Variants in RPS6KA3 observed in about 807,000 individuals in gnomAD.
RPS6KA3 encodes the protein ribosomal protein S6 kinase alpha-3.
Under a neutral mutation model 67.2 loss-of-function variants are expected in RPS6KA3, and 4 were observed. The ratio of observed to expected loss-of-function variants is 0.06; its 90% CI spans 0.03 to 0.14. The LOEUF (loss-of-function observed/expected upper bound fraction) is 0.14, where lower values mean the gene tolerates loss of function less well. Among genes scored for constraint, RPS6KA3 ranks in the 10% least tolerant of loss-of-function variants. The pLI, the probability that RPS6KA3 is intolerant of heterozygous loss-of-function variation, is 1.00. For synonymous variants in RPS6KA3, 182 were observed against 183.7 expected (o/e 0.99, Z 0.07); for missense variants, 204 against 559.0 (o/e 0.36, Z 6.40).
At chrX:20,199,159 C>A (rs928340452) in intron 4 of RPS6KA3, among the ~76,000 whole-genome samples, 1 of 110,605 alleles carries the variant, frequency 9.0e-6, no homozygotes, top group Non-Finnish European at 1.9e-5. Context: ...CGTGAGCCAC[C>A]GTACCCAGCC....
At chrX:20,202,820 T>C (rs1262130113) in intron 4 of RPS6KA3, among the ~76,000 whole-genome samples, 1 of 112,415 alleles carries the variant, frequency 8.9e-6, no homozygotes, top group African/African-American at 3.2e-5. Flanking sequence ...TCTATGCAGC[T>C]TTGTAACATG....
intron 4 of RPS6KA3, among the ~76,000 whole-genome samples, chrX:20,202,886 T>C (rs2068476835): frequency 8.9e-6 from 1 of 111,967 alleles, no homozygotes; most frequent in South Asian, 3.7e-4. Context: ...GGATTGAGGA[T>C]ATAATTTAAT....
rs2067119830 is a variant in RPS6KA3 at position 20,152,566 on chromosome X, T to C, written c.*2832A>G. ...CTAATTGGTGAAAGGCAGAAGCCTTTAGGGGCCTCAATACCACAACTGTAG... is the reference window on the plus strand; with the variant it reads ...CTAATTGGTGAAAGGCAGAAGCCTTCAGGGGCCTCAATACCACAACTGTAG... On this transcript the variant is annotated 3_prime_UTR_variant, in exon 22 of 22. Transcript: ENST00000379565. 1 of 112,131 alleles carries C rather than the reference T, an allele frequency of 8.9e-6. No homozygotes were observed. Among genetic ancestry groups the C allele is most frequent in the Non-Finnish European group, 1.9e-5 (1 of 53,245 alleles). The allele number at this position is 112,131 out of a possible 1,213,427, so 9.2% of individuals were successfully genotyped here. A position where few individuals can be genotyped will look rare whatever the true frequency, so the allele number is the denominator to read the frequency against.
rs904356751 is a variant in RPS6KA3 at position 20,155,215 on chromosome X, A to G, written c.*183T>C. 1 of 519,429 alleles carries G rather than the reference A, an allele frequency of 1.9e-6. No homozygotes were observed. The highest frequency in any genetic ancestry group is 3.4e-6 in the Non-Finnish European group (1 of 298,441). 42.8% of individuals were successfully genotyped at this position (519,429 alleles called of 1,213,427 possible). On this transcript the variant is annotated 3_prime_UTR_variant, in exon 22 of 22. Transcript: ENST00000379565. ...TCTTCCGAAGCTCCAGGAAAATCTA[A>G]CTTGCTAACAATCATTTAAAGCGAG... is the stretch of plus-strand genomic sequence containing the variant.
At chrX:20,170,759 A>T (rs917683292) in intron 15 of RPS6KA3, among the ~76,000 whole-genome samples, 2 of 109,850 alleles carry the variant, frequency 1.8e-5, no homozygotes, top group Admixed American at 9.9e-5. Context: ...CCACAGGCAC[A>T]TACCACTACA....
At chrX:20,167,879 A>G (rs2067479955) in intron 16 of RPS6KA3, 132 bp from the exon 17 acceptor site, 1 of 488,523 alleles carries the variant, frequency 2.0e-6, no homozygotes, top group African/African-American at 2.4e-5. Flanking sequence ...TTATTTTGAG[A>G]CAGACTCTGT....
Position 20,193,573 on chromosome X carries a change from A to G in RPS6KA3, c.507T>C (p.Asp169=). 4 of 1,172,136 alleles carry G rather than the reference A, an allele frequency of 3.4e-6. No homozygotes were observed. The highest frequency in any genetic ancestry group is 4.6e-6 in the Non-Finnish European group (4 of 860,335). Residue 169 remains aspartate (D), a synonymous_variant, in exon 7 of 22, where the codon GAT becomes GAC. Coordinates refer to ENST00000379565, the MANE Select transcript of RPS6KA3 (RefSeq NM_004586.3). ...CAAGTTCAGCCAAGTAGAATTTGAC[A>G]TCTTCTTCTGTGAACATCACCTAAA... is the stretch of plus-strand genomic sequence containing the variant. The part of the protein sequence containing the change: ...LSKEVMFTEE[D]VKFYLAELAL...
At chrX:20,155,994 C>T in intron 21 of RPS6KA3, 115 bp downstream of exon 21, 8 of 835,902 alleles carry the variant, frequency 9.6e-6, no homozygotes, top group Admixed American at 2.2e-5. Context: ...TAAGAGAATC[C>T]CACAACAGAA....
chrX:20,167,992 C>T (rs1183086449), intron 16 of RPS6KA3, among the ~76,000 whole-genome samples: 2 of 112,044 alleles, frequency 1.8e-5, no homozygotes, highest in African/African-American at 6.5e-5. Flanking sequence ...GGACTATAGG[C>T]GCATGCCACC....
intron 1 of RPS6KA3, among the ~76,000 whole-genome samples, chrX:20,262,681 T>A (rs994665250): frequency 1.8e-5 from 2 of 111,324 alleles, no homozygotes; most frequent in Non-Finnish European, 3.8e-5. Flanking sequence ...ACAGTTGACA[T>A]GTAACAATAC....
At position 20,187,984 on chromosome X, in the gene RPS6KA3, TATC is replaced by T. The variant is rs776805695; in HGVS notation, c.632-17_632-15del. On this transcript the variant is annotated splice_polypyrimidine_tract_variant and intron_variant, in intron 8 of 21. Coordinates refer to ENST00000379565, the MANE Select transcript of RPS6KA3 (RefSeq NM_004586.3). ...TTAGGCCGAAATCTGCCAAAACAAATATCATAAATATCCTACATAAATTTGCAC... is the reference window on the plus strand; with the variant it reads ...TTAGGCCGAAATCTGCCAAAACAAATATAAATATCCTACATAAATTTGCAC... The T allele has an allele frequency of 8.4e-7, 1 of 1,187,748 alleles. No homozygotes were observed. Among genetic ancestry groups the T allele is most frequent in the Admixed American group, 2.2e-5 (1 of 45,970 alleles).
intron 1 of RPS6KA3, among the ~76,000 whole-genome samples, chrX:20,260,837 T>G (rs1174140489): frequency 8.9e-6 from 1 of 111,813 alleles, no homozygotes; most frequent in African/African-American, 3.2e-5. Context: ...ATAGAGATAT[T>G]AAATATAACT....
At chrX:20,166,710 CTTCT>C (rs2067446371) in intron 17 of RPS6KA3, among the ~76,000 whole-genome samples, 1 of 100,409 alleles carries the variant, frequency 1.0e-5, no homozygotes, top group Non-Finnish European at 2.0e-5. Context: ...CCAGACTTCC[CTTCT>C]TTTTTTTTTT....
chrX:20,223,449 C>T (rs531109213), intron 2 of RPS6KA3, among the ~76,000 whole-genome samples: 2 of 110,864 alleles, frequency 1.8e-5, no homozygotes, highest in East Asian at 5.6e-4. Flanking sequence ...TTCAACTTCT[C>T]CCAAGGCTAT....
intron 21 of RPS6KA3, 130 bp from the exon 22 acceptor site, chrX:20,155,650 C>A: frequency 2.5e-6 from 2 of 814,742 alleles, no homozygotes; most frequent in Non-Finnish European, 3.6e-6. Context: ...AAAATAACCA[C>A]ACTGGTCAAA....
rs1257492682 is a variant in RPS6KA3, at chrX:20,193,297, G to T, written c.593+190C>A. ...CCATCTTTAAAAAAAAAAAATCAAA[G>T]AATGCACACAAAAACAGTATTTTTT... On this transcript the variant is annotated intron_variant, in intron 7 of 21. Transcript: ENST00000379565. Among the ~76,000 whole-genome samples the T allele has an allele frequency of 4.5e-5, 5 of 111,643 alleles. No individual in the cohort carries two copies. The Admixed American group carries it at 4.7e-4, about 11-fold the overall frequency.
intron 4 of RPS6KA3, among the ~76,000 whole-genome samples, chrX:20,202,510 C>A (rs2068467472): frequency 9.0e-6 from 1 of 111,552 alleles, no homozygotes; most frequent in Non-Finnish European, 1.9e-5. Flanking sequence ...CCTTATTATT[C>A]TTCTTTTCCA....
intron 16 of RPS6KA3, among the ~76,000 whole-genome samples, chrX:20,168,835 C>A (rs2067503578): frequency 9.0e-6 from 1 of 111,631 alleles, no homozygotes; most frequent in Non-Finnish European, 1.9e-5. Flanking sequence ...TTTAAACTTA[C>A]CATGTTGAAT....
At chrX:20,179,855 C>T (rs775094006) in intron 10 of RPS6KA3, among the ~76,000 whole-genome samples, 3 of 110,388 alleles carry the variant, frequency 2.7e-5, no homozygotes, top group Non-Finnish European at 5.7e-5. Context: ...CTTTGGGAGG[C>T]GGAGGTGGGA....
Sources: gnomAD v4.1 joint callset for allele counts (sites outside exome capture counted in the v4.1 genomes callset) on GRCh38, gnomAD v4.1.1 for gene constraint, MANE v1.5 for transcripts, NCBI Gene and HGNC (gene_info 2026-07-23, HGNC 2026-07-21) for gene names.